Variants in TBC1D16 observed in about 807,000 individuals in gnomAD.
TBC1D16 encodes TBC1 domain family member 16.
Under a neutral mutation model 74.7 loss-of-function variants are expected in TBC1D16, and 58 were observed. That is an observed-to-expected ratio of 0.78 (90% CI 0.63 to 0.97). The LOEUF is 0.97. Ranked by LOEUF, TBC1D16 falls within the 50% of genes least tolerant of loss-of-function variation. The pLI is 0.00. For synonymous variants in TBC1D16, 493 were observed against 474.7 expected (o/e 1.04, Z -0.50); for missense variants, 1,014 against 1,079.5 (o/e 0.94, Z 0.85).
rs765865023 is a variant in TBC1D16 at position 80,035,372 on chromosome 17, G to A, written c.-63+423C>T. 6.6e-6 allele frequency among the ~76,000 whole-genome samples: 1 copy of A among 151,984 alleles called. No homozygotes were observed. The highest frequency in any genetic ancestry group is 1.5e-5 in the Non-Finnish European group (1 of 67,970). On this transcript the variant is annotated intron_variant, in intron 1 of 11. Transcript: ENST00000310924. The surrounding 1 kb of genome is among the most constrained non-coding windows in gnomAD (Gnocchi z 5.3). ...AAAGCTGAGCGCGCGCTGCTGGGGG[G>A]ACGCACACTTTGGAGGCTGTGTGGG... is the stretch of plus-strand genomic sequence containing the variant.
At position 79,981,083 on chromosome 17, in the gene TBC1D16, TC is replaced by T. The variant is rs1008595153; in HGVS notation, c.780-28266del. 1.1e-4 allele frequency among the ~76,000 whole-genome samples: 17 copies of T among 152,346 alleles called. No homozygotes were observed. Among genetic ancestry groups the T allele is most frequent in the Middle Eastern group, 3.4e-3 (1 of 294 alleles). ...CATTTAAATTCCATCCACACACTTG[TC>T]ACAGCAAAGCTGAATTCTGTATCTA... On this transcript the variant is annotated intron_variant, in intron 3 of 11. Transcript: ENST00000310924. This position sits in a 1 kb window ranked among gnomAD's most constrained non-coding sequence, Gnocchi z 6.9.
chr17:80,008,689 T>A lies in TBC1D16; in HGVS notation c.779+1471A>T, dbSNP rs2035767750. The stretch of plus-strand genomic sequence containing the variant: ...TCCCTGGCGCCTGACGCCACCCAGC[T>A]CAGCAAGCCTCCTGGCACCTGGAGT... On this transcript the variant is annotated intron_variant, in intron 3 of 11. Transcript: ENST00000310924. This position sits in a 1 kb window ranked among gnomAD's most constrained non-coding sequence, Gnocchi z 4.5. 6.6e-6 allele frequency among the ~76,000 whole-genome samples: 1 copy of A among 152,148 alleles called. No homozygotes were observed. Among genetic ancestry groups the A allele is most frequent in the Admixed American group, 6.5e-5 (1 of 15,276 alleles).
intron 2 of TBC1D16, among the ~76,000 whole-genome samples, chr17:80,011,708 C>A (rs978370794): frequency 6.6e-6 from 1 of 151,998 alleles, no homozygotes; most frequent in African/African-American, 2.4e-5. Context: ...CGCCTGTAGT[C>A]CCAGCTACTT....
rs544117914 is a variant in TBC1D16 at position 79,961,755 on chromosome 17, C to T, written c.780-8937G>A. 7.4e-4 allele frequency among the ~76,000 whole-genome samples: 113 copies of T among 152,156 alleles called. No homozygotes were observed. The highest frequency in any genetic ancestry group is 2.6e-3 in the African/African-American group (108 of 41,502). On this transcript the variant is annotated intron_variant, in intron 3 of 11. Transcript: ENST00000310924. This position sits in a 1 kb window ranked among gnomAD's most constrained non-coding sequence, Gnocchi z 4.8. ...GCGGGCGCCTATAATCCCAGCTACT[C>T]GGGAGGCTCAGGCAGGAGACTTGCT...
rs2033601007 is a variant in TBC1D16 at position 79,961,224 on chromosome 17, C to G, written c.780-8406G>C. ...ATTATGTTAAGTGAAAGAAGCCAGA[C>G]ACAAAAGGCTACATGAGAAGATACT... is the stretch of plus-strand genomic sequence containing the variant. On this transcript the variant is annotated intron_variant, in intron 3 of 11. Transcript: ENST00000310924. This position sits in a 1 kb window ranked among gnomAD's most constrained non-coding sequence, Gnocchi z 4.8. Among the ~76,000 whole-genome samples the G allele has an allele frequency of 1.3e-5, 2 of 152,176 alleles. No individual in the cohort carries two copies. Among genetic ancestry groups the G allele is most frequent in the African/African-American group, 2.4e-5 (1 of 41,424 alleles).
chr17:80,024,466 C>CAAACCACACACACCAT (rs2036436395), intron 1 of TBC1D16, among the ~76,000 whole-genome samples: 4 of 135,400 alleles, frequency 3.0e-5, no homozygotes, highest in South Asian at 2.3e-4. Context: ...ACACCATAGA[C>CAAACCACACACACCAT]ACACACACCA....
rs529886821 is a variant in TBC1D16 at position 79,990,637 on chromosome 17, C to T, written c.779+19523G>A. On this transcript the variant is annotated intron_variant, in intron 3 of 11. Transcript: ENST00000310924. This position sits in a 1 kb window ranked among gnomAD's most constrained non-coding sequence, Gnocchi z 4.8. ...TCACCACCTTAACCGTTTTCAACGT[C>T]GAGCCCAGTGGCATTATACCATTCC... is the stretch of plus-strand genomic sequence containing the variant. Among the ~76,000 whole-genome samples the T allele has an allele frequency of 1.3e-5, 2 of 152,314 alleles. 1 individual carries two copies. Among genetic ancestry groups the T allele is most frequent in the South Asian group, 4.1e-4 (2 of 4,832 alleles).
intron 1 of TBC1D16, among the ~76,000 whole-genome samples, chr17:80,017,734 C>G (rs72848435): frequency 1.3e-4 from 19 of 143,082 alleles, no homozygotes; most frequent in Middle Eastern, 3.7e-3. Flanking sequence ...ACAGGCTGTA[C>G]AAAACAGGTG....
At chr17:79,970,853 GCGC>G in intron 3 of TBC1D16, among the ~76,000 whole-genome samples, 1 of 30,850 alleles carries the variant, frequency 3.2e-5, no homozygotes, top group Non-Finnish European at 6.0e-5. Context: ...TGCAAAAACA[GCGC>G]CACCCTGGAA....
chr17:79,947,185 G>T (rs2032616551), intron 9 of TBC1D16, among the ~76,000 whole-genome samples: 1 of 152,178 alleles, frequency 6.6e-6, no homozygotes, highest in South Asian at 2.1e-4. Flanking sequence ...GGGGAGGGGT[G>T]GGGTGTGAGG....
rs1212490064 is a variant in TBC1D16, at chr17:79,949,108, C to T, written c.1407-102G>A. On this transcript the variant is annotated intron_variant, in intron 7 of 11. Transcript: ENST00000310924. ...GCCACCCTTCCTCCCAACCCCCGTT[C>T]CCTGGACGGGAGCTGGGCGGCTGCT... is the stretch of plus-strand genomic sequence containing the variant. 3 of 1,517,624 alleles carry T rather than the reference C, an allele frequency of 2.0e-6. No individual in the cohort carries two copies. The Admixed American group carries it at 5.2e-5, about 26-fold the overall frequency. The allele number at this position is 1,517,624 out of a possible 1,614,324, so 94.0% of individuals were successfully genotyped here. A position where few individuals can be genotyped will look rare whatever the true frequency, so the allele number is the denominator to read the frequency against.
Position 80,028,357 on chromosome 17 carries a change from C to T in TBC1D16, c.-63+7438G>A, listed in dbSNP as rs1236560641. Among the ~76,000 whole-genome samples the T allele has an allele frequency of 2.0e-5, 3 of 151,996 alleles. No individual in the cohort carries two copies. The East Asian group carries it at 5.8e-4, about 30-fold the overall frequency. On this transcript the variant is annotated intron_variant, in intron 1 of 11. Coordinates refer to ENST00000310924, the MANE Select transcript of TBC1D16 (RefSeq NM_019020.4). ...ACCAGCCTGGCCAACATGGTAACAC[C>T]CTGTCTATTAGAAATACAAAAATTA...
chr17:79,974,947 A>G (rs574138985), intron 3 of TBC1D16, among the ~76,000 whole-genome samples: 1 of 152,284 alleles, frequency 6.6e-6, no homozygotes, highest in African/African-American at 2.4e-5. Flanking sequence ...CCGATTCCTG[A>G]TTTGGCCTCG....
rs2035833311 is a variant in TBC1D16, at chr17:80,010,322, G to T, written c.617C>A (p.Ala206Asp). 1 of 1,610,830 alleles carries T rather than the reference G, an allele frequency of 6.2e-7. No homozygotes were observed. Among genetic ancestry groups the T allele is most frequent in the Non-Finnish European group, 8.5e-7 (1 of 1,178,732 alleles). Reference sequence around the variant, plus strand: ...TTCCAAAGAGCCATCCTCCTCCCCGGCCTCGGGCCGCGGCTCCCGCCCCTC... The same window carrying T: ...TTCCAAAGAGCCATCCTCCTCCCCGTCCTCGGGCCGCGGCTCCCGCCCCTC... ...TEEGREPRPEAGEEDGSLELS... is the reference protein window; with the variant it reads ...TEEGREPRPEDGEEDGSLELS... Residue 206 changes from alanine (A) to aspartate (D), a missense_variant, in exon 3 of 12, where the codon GCC becomes GAC. Coordinates refer to ENST00000310924, the MANE Select transcript of TBC1D16 (RefSeq NM_019020.4). The surrounding 1 kb of genome is among the most constrained non-coding windows in gnomAD (Gnocchi z 8.8).
rs373735734 is a variant in TBC1D16, at chr17:80,010,333, C to T, written c.606G>A (p.Pro202=). The change falls in exon 3 of 12, where the codon CCG becomes CCA. Residue 202 remains proline (P), a synonymous_variant. Transcript: ENST00000310924. The surrounding 1 kb of genome is among the most constrained non-coding windows in gnomAD (Gnocchi z 8.8). Reference sequence around the variant, plus strand: ...CATCCTCCTCCCCGGCCTCGGGCCGCGGCTCCCGCCCCTCCTCGGTGACAT... The same window carrying T: ...CATCCTCCTCCCCGGCCTCGGGCCGTGGCTCCCGCCCCTCCTCGGTGACAT... ...PQDVTEEGRE[P]RPEAGEEDGS... is the part of the protein sequence containing the mutation. 112 of 1,610,308 alleles carry T rather than the reference C, an allele frequency of 7.0e-5. No individual in the cohort carries two copies. Among genetic ancestry groups the T allele is most frequent in the African/African-American group, 3.2e-4 (24 of 74,982 alleles).
At chr17:79,946,927 G>A (rs867944317) in intron 9 of TBC1D16, among the ~76,000 whole-genome samples, 1 of 152,212 alleles carries the variant, frequency 6.6e-6, no homozygotes, top group East Asian at 1.9e-4. Flanking sequence ...CAGCTTCCTG[G>A]CCCAGCCAGG....
At position 79,950,639 on chromosome 17, in the gene TBC1D16, C is replaced by G; in HGVS notation, c.1090-61G>C. ...TCAGCCGCGCGGCTTCAGAGGCCAG[C>G]AGTGCTTTTCCCAGGAATAAAAGCC... On this transcript the variant is annotated intron_variant, in intron 5 of 11. Transcript: ENST00000310924. The surrounding 1 kb of genome is among the most constrained non-coding windows in gnomAD (Gnocchi z 4.6). 6.3e-7 allele frequency: 1 copy of G among 1,578,524 alleles called. No homozygotes were observed. The highest frequency in any genetic ancestry group is 1.2e-5 in the South Asian group (1 of 86,222).
chr17:79,966,919 G>A (rs2033868214), intron 3 of TBC1D16, among the ~76,000 whole-genome samples: 1 of 152,166 alleles, frequency 6.6e-6, no homozygotes, highest in African/African-American at 2.4e-5. Flanking sequence ...ATAGATGGAT[G>A]TAAGACACTA....
At chr17:80,030,998 C>A (rs1275017450) in intron 1 of TBC1D16, among the ~76,000 whole-genome samples, 5 of 152,228 alleles carry the variant, frequency 3.3e-5, no homozygotes, top group Admixed American at 2.6e-4. Context: ...ACAAGGATCG[C>A]GTTGCCCCCG....
Sources: gnomAD v4.1 joint callset for allele counts (sites outside exome capture counted in the v4.1 genomes callset) on GRCh38, gnomAD v4.1.1 for gene constraint, Gnocchi (gnomAD v3.1) non-coding constraint, MANE v1.5 for transcripts, NCBI Gene and HGNC (gene_info 2026-07-23, HGNC 2026-07-21) for gene names.